The following STAC variants were observed in gnomAD, a reference collection of about 807,000 sequenced individuals.
STAC encodes the protein SH3 and cysteine-rich domain-containing protein.
STAC carries 43 observed loss-of-function variants against 48.8 expected under a neutral mutation model. The ratio of observed to expected loss-of-function variants is 0.88; its 90% CI spans 0.69 to 1.14. The LOEUF is 1.14. Ranked by LOEUF, STAC falls within the 50% of genes most tolerant of loss-of-function variation. The pLI is 0.00. For synonymous variants in STAC, 193 were observed against 179.5 expected (o/e 1.07, Z -0.60); for missense variants, 497 against 504.0 (o/e 0.99, Z 0.13).
chr3:36,417,861 T>G (rs139881089), intron 1 of STAC, among the ~76,000 whole-genome samples: 7 of 152,346 alleles, frequency 4.6e-5, no homozygotes, highest in African/African-American at 1.7e-4. Context: ...AAAAATCATT[T>G]TCCATATTTT....
At chr3:36,474,097 T>C (rs1697423534) in intron 2 of STAC, among the ~76,000 whole-genome samples, 1 of 152,160 alleles carries the variant, frequency 6.6e-6, no homozygotes, top group Admixed American at 6.5e-5. Flanking sequence ...CTGTAGTATA[T>C]ATAGTGGGCT....
chr3:36,476,638 G>C (rs752575077), intron 2 of STAC, among the ~76,000 whole-genome samples: 3 of 152,212 alleles, frequency 2.0e-5, no homozygotes, highest in Non-Finnish European at 4.4e-5. Context: ...AGGACAAACC[G>C]CTGATGAATA....
intron 2 of STAC, among the ~76,000 whole-genome samples, chr3:36,444,208 TG>T (rs1169610061): frequency 8.5e-5 from 13 of 152,210 alleles, no homozygotes; most frequent in African/African-American, 3.1e-4. Context: ...TATGTACTCA[TG>T]TTCTCATGGT....
intron 8 of STAC, among the ~76,000 whole-genome samples, chr3:36,518,439 G>C (rs1698725663): frequency 6.6e-6 from 1 of 151,876 alleles, no homozygotes; most frequent in South Asian, 2.1e-4. Context: ...GAAAAAAAAA[G>C]ACTATAAGCC....
chr3:36,528,184 T>C (rs1403439006), intron 8 of STAC, among the ~76,000 whole-genome samples: 1 of 152,106 alleles, frequency 6.6e-6, no homozygotes, highest in Non-Finnish European at 1.5e-5. Flanking sequence ...GTAACAGTTA[T>C]TTTTGGCTGG....
In STAC at chr3:36,380,766, G is replaced by A. The variant is rs752516071; in HGVS notation, c.111+12G>A. 6 of 1,598,840 alleles carry A rather than the reference G, an allele frequency of 3.8e-6. No homozygotes were observed. Among genetic ancestry groups the A allele is most frequent in the Admixed American group, 3.4e-5 (2 of 59,190 alleles). Reference sequence around the variant, plus strand: ...GCCAGGAATCCAAGGTACCGAGCACGCTTGCCCCCAAGAGAACACAAACTC... The same window carrying A: ...GCCAGGAATCCAAGGTACCGAGCACACTTGCCCCCAAGAGAACACAAACTC... On this transcript the variant is annotated intron_variant, in intron 1 of 10. Transcript: ENST00000273183.
intron 2 of STAC, among the ~76,000 whole-genome samples, chr3:36,450,400 G>A (rs966500917): frequency 6.6e-6 from 1 of 152,216 alleles, no homozygotes; most frequent in Non-Finnish European, 1.5e-5. Context: ...GCCTGACACA[G>A]ATACCCTCTT....
intron 8 of STAC, among the ~76,000 whole-genome samples, chr3:36,509,944 G>A (rs62243789): frequency 0.11 from 16,253 of 152,040 alleles, 1,147 homozygotes; most frequent in Non-Finnish European, 0.16. Flanking sequence ...GGCAACAAAC[G>A]TCAAAATTGA....
intron 1 of STAC, among the ~76,000 whole-genome samples, chr3:36,394,620 G>A (rs1275911605): frequency 6.6e-6 from 1 of 152,134 alleles, no homozygotes; most frequent in Non-Finnish European, 1.5e-5. Context: ...ATATAGGCCC[G>A]GCACAGTGGC....
intron 6 of STAC, among the ~76,000 whole-genome samples, chr3:36,504,078 C>T (rs1232040969): frequency 6.6e-6 from 1 of 152,158 alleles, no homozygotes; most frequent in Non-Finnish European, 1.5e-5. Context: ...AGGACAAATG[C>T]TCCTGAGAGG....
At chr3:36,523,799 G>C (rs1485035960) in intron 8 of STAC, among the ~76,000 whole-genome samples, 1 of 152,190 alleles carries the variant, frequency 6.6e-6, no homozygotes, top group Non-Finnish European at 1.5e-5. Context: ...TGGGACCAAT[G>C]GCACGGCTCT....
At chr3:36,525,786 A>G (rs982201992) in intron 8 of STAC, among the ~76,000 whole-genome samples, 1 of 152,058 alleles carries the variant, frequency 6.6e-6, no homozygotes, top group Non-Finnish European at 1.5e-5. Flanking sequence ...CGGCATCAGC[A>G]TGAAACTGTG....
chr3:36,472,846 C>T (rs1317821779), intron 2 of STAC, among the ~76,000 whole-genome samples: 1 of 152,204 alleles, frequency 6.6e-6, no homozygotes, highest in Non-Finnish European at 1.5e-5. Context: ...CTTTTCTTGT[C>T]TTCTTCTGAG....
intron 10 of STAC, among the ~76,000 whole-genome samples, chr3:36,544,140 C>T (rs1400266586): frequency 6.6e-6 from 1 of 152,078 alleles, no homozygotes; most frequent in African/African-American, 2.4e-5. Flanking sequence ...AGACACACTC[C>T]CTGCTCATCA....
chr3:36,436,049 C>T (rs1203831511), intron 1 of STAC, among the ~76,000 whole-genome samples: 1 of 152,180 alleles, frequency 6.6e-6, no homozygotes, highest in Non-Finnish European at 1.5e-5. Context: ...GTTTTAAATA[C>T]CATCAATATG....
At chr3:36,411,136 A>G (rs1321001650) in intron 1 of STAC, among the ~76,000 whole-genome samples, 1 of 152,206 alleles carries the variant, frequency 6.6e-6, no homozygotes, top group African/African-American at 2.4e-5. Context: ...CAAACCCCAC[A>G]TCCAACCCAC....
At position 36,401,465 on chromosome 3, in the gene STAC, A is replaced by G. The variant is rs550326771; in HGVS notation, c.111+20711A>G. On this transcript the variant is annotated intron_variant, in intron 1 of 10. Transcript: ENST00000273183. ...TCGATAGAAAATAACCAGTGTGTCA[A>G]ATTGGAACTATAGTTAGAAATGCTG... 2.0e-5 allele frequency among the ~76,000 whole-genome samples: 3 copies of G among 152,304 alleles called. No individual in the cohort carries two copies. In the East Asian group the frequency reaches 5.8e-4, roughly 29 times the overall value.
chr3:36,528,749 T>C lies in STAC; in HGVS notation c.972+2T>C, dbSNP rs1255563061. ...GATTCCAATGAAGACTGGTGGAAAG[T>C]AAGTGTTCCTCTTTCTTTAAAAAAA... is the stretch of plus-strand genomic sequence containing the variant. On this transcript the variant is annotated splice_donor_variant, in intron 9 of 10. Transcript: ENST00000273183. LOFTEE classifies it high-confidence loss of function. 4 of 1,606,052 alleles carry C rather than the reference T, an allele frequency of 2.5e-6. No individual in the cohort carries two copies. In the Admixed American group the frequency reaches 5.1e-5, roughly 20 times the overall value.
intron 1 of STAC, among the ~76,000 whole-genome samples, chr3:36,442,739 TACACACACACACACACACACAC>T (rs10528748): frequency 0.029 from 3,890 of 133,468 alleles, 87 homozygotes; most frequent in Non-Finnish European, 0.03. Context: ...TCCTATGTCC[TACACACACACACACACACACAC>T]ACACACACAC....
Sources: gnomAD v4.1 joint callset for allele counts (sites outside exome capture counted in the v4.1 genomes callset) on GRCh38, gnomAD v4.1.1 for gene constraint, MANE v1.5 for transcripts, NCBI Gene and HGNC (gene_info 2026-07-23, HGNC 2026-07-21) for gene names.